Variants in RHBDD1 observed in about 807,000 individuals in gnomAD.
RHBDD1 encodes rhomboid domain containing 1, also known as rhomboid-related protein 4.
Under a neutral mutation model 36.3 loss-of-function variants are expected in RHBDD1, and 38 were observed. The observed-to-expected ratio is 1.05, with a 90% CI of 0.81 to 1.37. The LOEUF (loss-of-function observed/expected upper bound fraction) is 1.37. Among genes scored for constraint, RHBDD1 ranks in the 40% most tolerant of loss-of-function variants. RHBDD1 has a pLI of 0.00. For synonymous variants in RHBDD1, 151 were observed against 136.5 expected (o/e 1.11, Z -0.74); for missense variants, 393 against 377.6 (o/e 1.04, Z -0.34).
intron 5 of RHBDD1, among the ~76,000 whole-genome samples, chr2:226,900,820 T>C (rs1947524087): frequency 1.3e-5 from 2 of 152,236 alleles, no homozygotes; most frequent in African/African-American, 4.8e-5. Flanking sequence ...GTGAGTACCA[T>C]GACCAAGCTA....
intron 8 of RHBDD1, among the ~76,000 whole-genome samples, chr2:226,950,771 TGTCATCCTTTGAGA>T (rs920415101): frequency 2.6e-5 from 4 of 152,360 alleles, no homozygotes; most frequent in African/African-American, 9.6e-5. Flanking sequence ...GCCATTCATA[TGTCATCCTTTGAGA>T]GATGTCTGTT....
intron 3 of RHBDD1, among the ~76,000 whole-genome samples, chr2:226,856,822 A>G (rs1574825845): frequency 6.6e-6 from 1 of 152,238 alleles, no homozygotes; most frequent in Non-Finnish European, 1.5e-5. Context: ...TGCTATTTTC[A>G]TAGCATTTTT....
rs112013528 is a variant in RHBDD1, at chr2:226,937,322, C to T, written c.856+22971C>T. On this transcript the variant is annotated intron_variant, in intron 8 of 8. Coordinates refer to ENST00000392062, the MANE Select transcript of RHBDD1 (RefSeq NM_001167608.3). ...CTGTACTAAAAAATAAAATAGTACC[C>T]GCTTTTTGAGCTGCAGACACTAGAC... 9.7e-3 allele frequency among the ~76,000 whole-genome samples: 1,470 copies of T among 152,098 alleles called. 30 individuals carry two copies. Among genetic ancestry groups the T allele is most frequent in the African/African-American group, 0.033 (1,391 of 41,532 alleles).
chr2:226,890,720 A>G (rs1946610227), intron 5 of RHBDD1, among the ~76,000 whole-genome samples: 1 of 152,312 alleles, frequency 6.6e-6, no homozygotes, highest in African/African-American at 2.4e-5. Flanking sequence ...ATGATACCCC[A>G]TTTACCCTGA....
the RHBDD1 span, among the ~76,000 whole-genome samples, chr2:226,824,086 C>T: frequency 6.6e-6 from 1 of 152,164 alleles, no homozygotes; most frequent in Middle Eastern, 3.4e-3. Flanking sequence ...CCTACATACA[C>T]GTTTTTTCTC....
intron 5 of RHBDD1, among the ~76,000 whole-genome samples, chr2:226,897,962 A>G (rs1269347425): frequency 6.6e-6 from 1 of 152,006 alleles, no homozygotes; most frequent in African/African-American, 2.4e-5. Context: ...CTAGGCAACA[A>G]GAGCAAAACT....
chr2:226,843,026 T>C (rs1023089045), intron 3 of RHBDD1, among the ~76,000 whole-genome samples: 10 of 152,178 alleles, frequency 6.6e-5, no homozygotes, highest in African/African-American at 2.2e-4. Context: ...TTTATTCTTT[T>C]TGTAGCAGTT....
the RHBDD1 span, among the ~76,000 whole-genome samples, chr2:226,803,847 G>C: frequency 9.9e-4 from 150 of 152,178 alleles, 3 homozygotes; most frequent in Admixed American, 9.4e-3. Flanking sequence ...CTTGTAAATC[G>C]GCTAGATCAG....
chr2:226,986,423 C>A (rs1015277661), intron 8 of RHBDD1, among the ~76,000 whole-genome samples: 3 of 152,132 alleles, frequency 2.0e-5, no homozygotes, highest in Non-Finnish European at 4.4e-5. Flanking sequence ...TCTGCAGTAT[C>A]TTTGCAACTT....
chr2:226,993,628 C>G (rs1469261865), intron 8 of RHBDD1, among the ~76,000 whole-genome samples: 2 of 152,046 alleles, frequency 1.3e-5, no homozygotes, highest in Non-Finnish European at 2.9e-5. Flanking sequence ...GTGTTCTAGT[C>G]AGGAAGGGTA....
intron 8 of RHBDD1, among the ~76,000 whole-genome samples, chr2:226,992,760 G>C (rs1160991248): frequency 1.3e-5 from 2 of 152,200 alleles, no homozygotes; most frequent in Non-Finnish European, 2.9e-5. Context: ...GGAATGGTGA[G>C]AGGTGCAACC....
intron 5 of RHBDD1, among the ~76,000 whole-genome samples, chr2:226,906,497 G>A (rs1264870756): frequency 6.6e-6 from 1 of 152,198 alleles, no homozygotes; most frequent in Non-Finnish European, 1.5e-5. Flanking sequence ...GGAAAGCGAT[G>A]TAATGACTTG....
chr2:226,905,024 G>C (rs1186539634), intron 5 of RHBDD1, among the ~76,000 whole-genome samples: 3 of 152,084 alleles, frequency 2.0e-5, no homozygotes, highest in Non-Finnish European at 4.4e-5. Flanking sequence ...CTGGGTGTTT[G>C]GAATACATAT....
In RHBDD1 at chr2:226,995,615, C is replaced by CA; in HGVS notation, c.*97dup. On this transcript the variant is annotated 3_prime_UTR_variant, in exon 9 of 9. Transcript: ENST00000392062. ...CTAATTCATTTTAATTCATTTTAAACAAAAGCAGAGTACACCGGTATTGCT... is the reference window on the plus strand; with the variant it reads ...CTAATTCATTTTAATTCATTTTAAACAAAAAGCAGAGTACACCGGTATTGCT... 1.1e-6 allele frequency: 1 copy of CA among 903,838 alleles called. No homozygotes were observed. Among genetic ancestry groups the CA allele is most frequent in the Non-Finnish European group, 1.8e-6 (1 of 560,996 alleles). The allele number at this position is 903,838 out of a possible 1,614,324, so 56.0% of individuals were successfully genotyped here. A position where few individuals can be genotyped will look rare whatever the true frequency, so the allele number is the denominator to read the frequency against.
At chr2:226,956,947 G>A (rs1331830163) in intron 8 of RHBDD1, among the ~76,000 whole-genome samples, 1 of 152,196 alleles carries the variant, frequency 6.6e-6, no homozygotes, top group Admixed American at 6.5e-5. Context: ...ACCTGCTTCT[G>A]TGCTCTTGTT....
upstream of RHBDD1, chr2:226,835,868 T>C (rs371741838): frequency 1.3e-5 from 2 of 152,470 alleles, no homozygotes; most frequent in African/African-American, 4.8e-5. Flanking sequence ...TGCCCCGCTG[T>C]GCCCTCGCGG....
At chr2:226,916,493 ACTT>A (rs1364083710) in intron 8 of RHBDD1, among the ~76,000 whole-genome samples, 1 of 152,160 alleles carries the variant, frequency 6.6e-6, no homozygotes, top group Non-Finnish European at 1.5e-5. Context: ...GCAGGGCAAA[ACTT>A]CTCAGCGTGG....
At chr2:226,850,142 A>G (rs1203406494) in intron 3 of RHBDD1, among the ~76,000 whole-genome samples, 1 of 152,188 alleles carries the variant, frequency 6.6e-6, no homozygotes, top group Admixed American at 6.5e-5. Context: ...AGATTGGGAA[A>G]CAGACGGGGG....
At chr2:226,987,032 A>G (rs532341256) in intron 8 of RHBDD1, among the ~76,000 whole-genome samples, 2 of 152,328 alleles carry the variant, frequency 1.3e-5, no homozygotes, top group East Asian at 3.9e-4. Context: ...TTGCAGGGAC[A>G]TGGATGAAGC....
Sources: gnomAD v4.1 joint callset for allele counts (sites outside exome capture counted in the v4.1 genomes callset) on GRCh38, gnomAD v4.1.1 for gene constraint, MANE v1.5 for transcripts, NCBI Gene and HGNC (gene_info 2026-07-23, HGNC 2026-07-21) for gene names.